The following MYO1H variants were observed in gnomAD, a reference collection of about 807,000 sequenced individuals.
MYO1H encodes myosin IH.
Under a neutral mutation model 149.3 loss-of-function variants are expected in MYO1H, and 118 were observed. The observed-to-expected ratio is 0.79, with a 90% CI of 0.68 to 0.92. The LOEUF is 0.92. MYO1H is among the 40% of genes least tolerant of loss of function. The pLI, the probability that MYO1H is intolerant of heterozygous loss-of-function variation, is 0.00. For synonymous variants in MYO1H, 447 were observed against 465.2 expected (o/e 0.96, Z 0.50); for missense variants, 1,212 against 1,280.7 (o/e 0.95, Z 0.82).
At chr12:109,328,110 C>A in the MYO1H span, among the ~76,000 whole-genome samples, 1 of 149,268 alleles carries the variant, frequency 6.7e-6, no homozygotes, top group Non-Finnish European at 1.5e-5. Flanking sequence ...TGAGAATAAT[C>A]ATTGGGGATC....
chr12:109,399,663 G>A (rs1870078646), intron 5 of MYO1H, among the ~76,000 whole-genome samples: 1 of 150,922 alleles, frequency 6.6e-6, no homozygotes, highest in African/African-American at 2.4e-5. Context: ...TGTAATCCCA[G>A]CACTTTGGGA....
chr12:109,325,564 A>C, the MYO1H span, among the ~76,000 whole-genome samples: 2 of 152,368 alleles, frequency 1.3e-5, no homozygotes, highest in East Asian at 3.9e-4. Flanking sequence ...CAATTTCAAC[A>C]AAAGGCAAAA....
intron 31 of MYO1H, chr12:109,446,136 T>A (rs1872468906): frequency 1.0e-6 from 1 of 985,378 alleles, no homozygotes; most frequent in Non-Finnish European, 1.2e-6. Flanking sequence ...GCTGCCCATG[T>A]TAATACCTTT....
Position 109,364,576 on chromosome 12 carries a change from C to CG in MYO1H, c.12+16606dup, listed in dbSNP as rs539041958. ...CTGAGCTCAAGCGATCCACCTGCCTCGGCTTCCCACGTTCTTTTTTAAAAG... is the reference window on the plus strand; with the variant it reads ...CTGAGCTCAAGCGATCCACCTGCCTCGGGCTTCCCACGTTCTTTTTTAAAAG... On this transcript the variant is annotated intron_variant, in intron 1 of 31. Transcript: ENST00000310903. Among the ~76,000 whole-genome samples, 821 of 152,262 alleles carry CG rather than the reference C, an allele frequency of 5.4e-3. 6 individuals carry two copies. Among genetic ancestry groups the CG allele is most frequent in the African/African-American group, 0.018 (765 of 41,546 alleles).
chr12:109,345,292 C>T (rs749195015), upstream of MYO1H, among the ~76,000 whole-genome samples: 2 of 151,988 alleles, frequency 1.3e-5, no homozygotes, highest in African/African-American at 2.4e-5. Flanking sequence ...TGAAAATGGG[C>T]GAAGGATTTG....
At chr12:109,366,675 G>T (rs949328713) in intron 1 of MYO1H, among the ~76,000 whole-genome samples, 1 of 152,140 alleles carries the variant, frequency 6.6e-6, no homozygotes, top group Non-Finnish European at 1.5e-5. Flanking sequence ...GCAACAAAGT[G>T]CAAAATTGAG....
chr12:109,396,483 C>T (rs1244794896), exon 4 of MYO1H: 1 of 1,613,868 alleles, frequency 6.2e-7, no homozygotes, highest in Non-Finnish European at 8.5e-7. Context: ...AAACAGAGGC[C>T]TCCAAGAAAA....
At chr12:109,349,961 G>GGA (rs1555247649) in intron 1 of MYO1H, among the ~76,000 whole-genome samples, 5 of 131,886 alleles carry the variant, frequency 3.8e-5, no homozygotes, top group Non-Finnish European at 7.9e-5. Flanking sequence ...ACTCTGTCTT[G>GGA]AAAAAAAAAA....
exon 22 of MYO1H, chr12:109,436,544 A>G (rs1666676743): frequency 1.2e-6 from 2 of 1,608,490 alleles, no homozygotes. Flanking sequence ...ATACGTGAAA[A>G]AAAGACAAGC....
intron 2 of MYO1H, among the ~76,000 whole-genome samples, chr12:109,389,315 C>T (rs1256656317): frequency 1.3e-5 from 2 of 152,104 alleles, no homozygotes; most frequent in African/African-American, 4.8e-5. Flanking sequence ...CTCTGATTGG[C>T]CCACTTTCGG....
chr12:109,325,951 A>T, the MYO1H span, among the ~76,000 whole-genome samples: 2 of 152,346 alleles, frequency 1.3e-5, no homozygotes, highest in Non-Finnish European at 2.9e-5. Context: ...AGAAATAGGA[A>T]CGCTTTTACA....
chr12:109,381,190 A>C (rs1869198793), intron 1 of MYO1H, among the ~76,000 whole-genome samples: 2 of 152,268 alleles, frequency 1.3e-5, no homozygotes, highest in South Asian at 4.1e-4. Context: ...GAAAATAAAT[A>C]AGCTTTGAAA....
Position 109,447,050 on chromosome 12 carries a change from A to T in MYO1H, c.3094-109A>T, listed in dbSNP as rs1015053909. 1.3e-5 allele frequency: 15 copies of T among 1,127,074 alleles called. No homozygotes were observed. In the African/African-American group the frequency reaches 2.3e-4, roughly 17 times the overall value. The allele number at this position is 1,127,074 out of a possible 1,614,324, so 69.8% of individuals were successfully genotyped here. On this transcript the variant is annotated intron_variant, in intron 31 of 31. Coordinates refer to ENST00000310903, the Ensembl canonical transcript of MYO1H. The stretch of plus-strand genomic sequence containing the variant: ...ATGGGAGGTGGCACTGGCTTCTCAC[A>T]GGCCCTCCACACCCACCTTGCTAAT...
chr12:109,441,759 T>A, intron 26 of MYO1H, 51 bp downstream of exon 26: 1 of 1,378,556 alleles, frequency 7.3e-7, no homozygotes, highest in Admixed American at 1.9e-5. Flanking sequence ...CTAAAAGGAG[T>A]TAAAGGGTGG....
intron 1 of MYO1H, among the ~76,000 whole-genome samples, chr12:109,383,038 A>G (rs1016492173): frequency 2.6e-5 from 4 of 152,026 alleles, no homozygotes; most frequent in African/African-American, 9.7e-5. Context: ...CTCGGGGGCT[A>G]TGCAGTGGTT....
In MYO1H at chr12:109,427,534, G is replaced by T. The variant is rs768550846; in HGVS notation, c.1897G>T (p.Val633Leu). ...CCTGGGGCTGATGGAGCACCTGCGG[G>T]TGAGACGGGCTGGTTTTGCATACCG... is the stretch of plus-strand genomic sequence containing the variant. The change falls in exon 19 of 32, where the codon GTG (valine) becomes TTG (leucine). Residue 633 changes from valine to leucine, a missense_variant. By Grantham distance (32) the Val-to-Leu change is conservative. Transcript: ENST00000310903. 1.9e-6 allele frequency: 3 copies of T among 1,613,210 alleles called. No homozygotes were observed. The Admixed American group carries it at 5.0e-5, about 27-fold the overall frequency.
the MYO1H span, among the ~76,000 whole-genome samples, chr12:109,319,974 G>GGT: frequency 6.6e-6 from 1 of 152,060 alleles, no homozygotes; most frequent in South Asian, 2.1e-4. Flanking sequence ...GACTTTCATT[G>GGT]TCTAATATGG....
chr12:109,412,938 A>G (rs1215869561), intron 14 of MYO1H, among the ~76,000 whole-genome samples: 1 of 147,966 alleles, frequency 6.8e-6, no homozygotes, highest in Non-Finnish European at 1.5e-5. Context: ...AGCACTTGCC[A>G]CTACGCCCGG....
At chr12:109,349,658 CAAA>C (rs398021025) in intron 1 of MYO1H, among the ~76,000 whole-genome samples, 3,634 of 120,366 alleles carry the variant, frequency 0.03, 59 homozygotes, top group Middle Eastern at 0.067. Flanking sequence ...AACCCTGTCT[CAAA>C]AAAAAAAAAA....
Sources: gnomAD v4.1 joint callset for allele counts (sites outside exome capture counted in the v4.1 genomes callset) on GRCh38, gnomAD v4.1.1 for gene constraint, MANE v1.5 for transcripts, NCBI Gene and HGNC (gene_info 2026-07-23, HGNC 2026-07-21) for gene names.